MFN1: variants seen among roughly 807,000 people sequenced by gnomAD.
MFN1 encodes the protein mitofusin-1.
In MFN1, 65 loss-of-function variants were observed where a neutral mutation model predicts 92.4. That is an observed-to-expected ratio of 0.70 (90% CI 0.58 to 0.86). The LOEUF (loss-of-function observed/expected upper bound fraction) is 0.86. Among genes scored for constraint, MFN1 ranks in the 40% least tolerant of loss-of-function variants. MFN1 has a pLI of 0.00. For synonymous variants in MFN1, 297 were observed against 300.9 expected (o/e 0.99, Z 0.13); for missense variants, 781 against 868.0 (o/e 0.90, Z 1.26).
chr3:179,378,183 C>T (rs1344112501), intron 12 of MFN1, 158 bp from the exon 13 acceptor site: 3 of 618,242 alleles, frequency 4.9e-6, no homozygotes. Context: ...AAGATCAAAG[C>T]ACTCCAGCCT....
chr3:179,362,514 G>T lies in MFN1; in HGVS notation c.536+32G>T, dbSNP rs769650609. 8 of 1,602,844 alleles carry T rather than the reference G, an allele frequency of 5.0e-6. No individual in the cohort carries two copies. In the Admixed American group the frequency reaches 1.2e-4, roughly 24 times the overall value. On this transcript the variant is annotated intron_variant, in intron 5 of 17. Coordinates refer to ENST00000471841, the MANE Select transcript of MFN1 (RefSeq NM_033540.3). The stretch of plus-strand genomic sequence containing the variant: ...TTACATGTGGATTGCATTTTCTCTG[G>T]AAGTTTATTTAATAGTATAATACTG...
At chr3:179,355,008 C>G (rs1404807870) in intron 3 of MFN1, among the ~76,000 whole-genome samples, 1 of 151,988 alleles carries the variant, frequency 6.6e-6, no homozygotes, top group African/African-American at 2.4e-5. Flanking sequence ...TGTTGGCCAG[C>G]CTGGTCTCGA....
At position 179,378,724 on chromosome 3, in the gene MFN1, T is replaced by C; in HGVS notation, c.1572T>C (p.Phe524=). Residue 524 remains phenylalanine, a synonymous_variant, in exon 14 of 18, where the codon TTT becomes TTC. Transcript: ENST00000471841. ...SDFQEDIVFR[F]SLGWSSLVHR... is the part of the protein sequence containing the mutation. ...TTCAAGAGGATATTGTATTTCGTTT[T>C]TCCCTGGGCTGGTCTTCCCTTGTAC... The C allele has an allele frequency of 6.2e-7, 1 of 1,614,098 alleles. No individual in the cohort carries two copies. Among genetic ancestry groups the C allele is most frequent in the South Asian group, 1.1e-5 (1 of 91,088 alleles).
chr3:179,348,820 C>T (rs890755806), intron 1 of MFN1, 25 bp from the exon 2 acceptor site: 2 of 1,602,454 alleles, frequency 1.2e-6, no homozygotes, highest in South Asian at 1.1e-5. Context: ...TTAGTTGGTG[C>T]TTTTCTAACT....
chr3:179,378,584 G>C lies in MFN1; in HGVS notation c.1433-1G>C, dbSNP rs1349143087. On this transcript the variant is annotated splice_acceptor_variant, in intron 13 of 17. Coordinates refer to ENST00000471841, the MANE Select transcript of MFN1 (RefSeq NM_033540.3). LOFTEE classifies it high-confidence loss of function. ...AAGTGTTGTAATTTTGTTCTTTCTA[G>C]AAAATTTGAAGCCATTACTTCCAGC... is the stretch of plus-strand genomic sequence containing the variant. The C allele has an allele frequency of 6.2e-7, 1 of 1,603,252 alleles. No homozygotes were observed. Among genetic ancestry groups the C allele is most frequent in the African/African-American group, 1.3e-5 (1 of 74,402 alleles).
At chr3:179,353,106 T>C (rs1712214528) in intron 3 of MFN1, among the ~76,000 whole-genome samples, 1 of 142,500 alleles carries the variant, frequency 7.0e-6, no homozygotes, top group Non-Finnish European at 1.5e-5. Flanking sequence ...CAGGTTGGAG[T>C]GCAGTGGCAC....
intron 2 of MFN1, among the ~76,000 whole-genome samples, chr3:179,349,169 G>A (rs1373374740): frequency 6.6e-6 from 1 of 152,098 alleles, no homozygotes; most frequent in East Asian, 1.9e-4. Flanking sequence ...TATATTAATA[G>A]CTCATTTAAT....
intron 4 of MFN1, 141 bp from the exon 5 acceptor site, chr3:179,362,217 C>T: frequency 1.2e-6 from 1 of 828,198 alleles, no homozygotes. Flanking sequence ...TTCAGGTTCT[C>T]AAGATTGCTC....
At chr3:179,367,052 C>T (rs1413256758) in intron 7 of MFN1, among the ~76,000 whole-genome samples, 1 of 152,214 alleles carries the variant, frequency 6.6e-6, no homozygotes, top group Non-Finnish European at 1.5e-5. Context: ...CTCAGCCTGC[C>T]CAGTAGCTGG....
rs535186128 is a variant in MFN1, at chr3:179,375,914, A to G, written c.1097+573A>G. Among the ~76,000 whole-genome samples the G allele has an allele frequency of 3.3e-5, 5 of 152,338 alleles. No homozygotes were observed. In the East Asian group the frequency reaches 9.6e-4, roughly 29 times the overall value. On this transcript the variant is annotated intron_variant, in intron 10 of 17. Transcript: ENST00000471841. ...GCAATGAATACATGAAAATACCAGC[A>G]TTATCGATACAAAGTATAATTTTCA...
chr3:179,391,562 G>GGA (rs757978962), intron 17 of MFN1, among the ~76,000 whole-genome samples: 1 of 152,056 alleles, frequency 6.6e-6, no homozygotes, highest in East Asian at 1.9e-4. Flanking sequence ...CGTCCATAAT[G>GGA]GAGAGAGAGA....
chr3:179,389,905 G>A (rs980710697), intron 16 of MFN1, 99 bp from the exon 17 acceptor site: 1 of 1,172,526 alleles, frequency 8.5e-7, no homozygotes, highest in Non-Finnish European at 1.2e-6. Flanking sequence ...TAGTTTAGAA[G>A]TTTTTTAAAA....
intron 16 of MFN1, 74 bp downstream of exon 16, chr3:179,386,703 A>G (rs1713699479): frequency 1.5e-6 from 2 of 1,299,214 alleles, no homozygotes; most frequent in Non-Finnish European, 2.1e-6. Context: ...AAAGCACAAA[A>G]TAAGTGTATT....
Position 179,393,722 on chromosome 3 carries a change from TG to T in MFN1, c.*1664del, listed in dbSNP as rs1324373082. 1 of 152,238 alleles carries T rather than the reference TG, an allele frequency of 6.6e-6. No individual in the cohort carries two copies. Among genetic ancestry groups the T allele is most frequent in the East Asian group, 1.9e-4 (1 of 5,200 alleles). 9.4% of individuals were successfully genotyped at this position (152,238 alleles called of 1,614,324 possible). ...AAAAACAGTGTCTAAGATCACGTAC[TG>T]CTAATTTAGGTTACAAAACTCAAGG... On this transcript the variant is annotated 3_prime_UTR_variant, in exon 18 of 18. Coordinates refer to ENST00000471841, the MANE Select transcript of MFN1 (RefSeq NM_033540.3).
rs34938438 is a variant in MFN1, at chr3:179,370,392, C to CTTTTTTTTTTT, written c.975+2302_975+2312dup. On this transcript the variant is annotated intron_variant, in intron 9 of 17. Transcript: ENST00000471841. ...TTTTTGGGGTTTCATTCACTAAGTT[C>CTTTTTTTTTTT]TTTTTTTTTTTTTTTTTTTTTTTGA... Among the ~76,000 whole-genome samples, 199 of 88,076 alleles carry CTTTTTTTTTTT rather than the reference C, an allele frequency of 2.3e-3. 9 individuals carry two copies. The highest frequency in any genetic ancestry group is 0.012 in the Admixed American group (73 of 6,202). 57.8% of individuals were successfully genotyped at this position (88,076 alleles called of 152,430 possible).
At chr3:179,359,168 T>TAC (rs1712466663) in intron 4 of MFN1, among the ~76,000 whole-genome samples, 166 bp downstream of exon 4, 1 of 152,168 alleles carries the variant, frequency 6.6e-6, no homozygotes. Flanking sequence ...TCGCCCAGGC[T>TAC]GGAGTGCAAT....
chr3:179,377,225 T>C (rs1359528976), intron 11 of MFN1, 57 bp downstream of exon 11: 2 of 1,568,216 alleles, frequency 1.3e-6, no homozygotes, highest in South Asian at 1.2e-5. Flanking sequence ...TTTTTGATAA[T>C]GCTAAAAATG....
chr3:179,361,072 C>T (rs1475982783), intron 4 of MFN1, among the ~76,000 whole-genome samples: 1 of 152,008 alleles, frequency 6.6e-6, no homozygotes, highest in East Asian at 1.9e-4. Flanking sequence ...TTCAGTGAGC[C>T]GTGATCACTC....
At chr3:179,369,507 G>T (rs1407470281) in intron 9 of MFN1, among the ~76,000 whole-genome samples, 1 of 151,976 alleles carries the variant, frequency 6.6e-6, no homozygotes, top group African/African-American at 2.4e-5. Context: ...GTAATGTTCT[G>T]TTACACATTT....
Sources: gnomAD v4.1 joint callset for allele counts (sites outside exome capture counted in the v4.1 genomes callset) on GRCh38, gnomAD v4.1.1 for gene constraint, MANE v1.5 for transcripts, NCBI Gene and HGNC (gene_info 2026-07-23, HGNC 2026-07-21) for gene names.